Variants in ACSM3 observed in about 807,000 individuals in gnomAD.
The protein encoded by ACSM3 is acyl-coenzyme A synthetase ACSM3, mitochondrial.
In ACSM3, 61 loss-of-function variants were observed where a neutral mutation model predicts 74.1. The ratio of observed to expected loss-of-function variants is 0.82; its 90% CI spans 0.67 to 1.02. The LOEUF (loss-of-function observed/expected upper bound fraction) is 1.02, where lower values mean the gene tolerates loss of function less well. ACSM3 is among the 50% of genes least tolerant of loss of function. The probability of loss-of-function intolerance (pLI) is 0.00; values close to 1 mark genes in which losing one functional copy is unlikely to be tolerated. For missense variants in ACSM3, 660 were observed against 697.0 expected (o/e 0.95, Z 0.60); for synonymous variants, 213 against 241.5 (o/e 0.88, Z 1.09).
intron 1 of ACSM3, chr16:20,737,577 T>C: frequency 1.0e-6 from 1 of 971,592 alleles, no homozygotes; most frequent in Non-Finnish European, 1.5e-6. Context: ...TTTAATACTA[T>C]TTTAAGAACA....
intron 9 of ACSM3, among the ~76,000 whole-genome samples, chr16:20,786,938 G>C (rs1362783017): frequency 6.6e-6 from 1 of 152,130 alleles, no homozygotes; most frequent in Non-Finnish European, 1.5e-5. Flanking sequence ...TAGGCCCGAA[G>C]AGGCTTCAGT....
chr16:20,686,675 G>A (rs531483272), intron 1 of ACSM3, among the ~76,000 whole-genome samples: 4 of 151,972 alleles, frequency 2.6e-5, no homozygotes, highest in Admixed American at 6.6e-5. Context: ...AGAGCCAGGC[G>A]AGGTGGCACA....
upstream of ACSM3, among the ~76,000 whole-genome samples, chr16:20,759,389 C>A (rs1437334357): frequency 6.6e-6 from 1 of 151,998 alleles, no homozygotes; most frequent in African/African-American, 2.4e-5. Context: ...GAAACCCCGT[C>A]TCTACTAAAA....
intron 10 of ACSM3, chr16:20,791,047 CAG>C (rs754082907): frequency 7.9e-5 from 84 of 1,066,624 alleles, no homozygotes; most frequent in Middle Eastern, 6.2e-4. Context: ...GTGAGAGGGA[CAG>C]GGGATGCGGG....
intron 1 of ACSM3, among the ~76,000 whole-genome samples, chr16:20,746,350 T>C (rs2079958165): frequency 6.6e-6 from 1 of 152,230 alleles, no homozygotes; most frequent in Non-Finnish European, 1.5e-5. Context: ...ATTTGTCTAT[T>C]ATTCTCTAAT....
At chr16:20,766,826 G>A (rs1237538821) in intron 1 of ACSM3, among the ~76,000 whole-genome samples, 1 of 152,140 alleles carries the variant, frequency 6.6e-6, no homozygotes, top group Admixed American at 6.5e-5. Flanking sequence ...CCCTTAAAAG[G>A]TACATTGTTA....
At position 20,723,713 on chromosome 16, in the gene ACSM3, C is replaced by T. The variant is rs191076933; in HGVS notation, c.-189-26197C>T. On this transcript the variant is annotated intron_variant, in intron 1 of 3. Transcript: ENST00000561584. ...AGAAGTGTCTGTTCATATCCTTCAC[C>T]TGCTTTTTGATGGGGTTGTTTTTTT... is the stretch of plus-strand genomic sequence containing the variant. Among the ~76,000 whole-genome samples, 36 of 152,280 alleles carry T rather than the reference C, an allele frequency of 2.4e-4. No individual in the cohort carries two copies. In the East Asian group the frequency reaches 6.0e-3, roughly 25 times the overall value.
chr16:20,737,789 T>C, intron 1 of ACSM3: 1 of 1,613,974 alleles, frequency 6.2e-7, no homozygotes, highest in Non-Finnish European at 8.5e-7. Flanking sequence ...GTCCCTTTGT[T>C]TGGAGCTTTA....
chr16:20,699,613 TAA>T (rs1056750332), intron 1 of ACSM3, among the ~76,000 whole-genome samples: 2 of 152,044 alleles, frequency 1.3e-5, no homozygotes, highest in Admixed American at 6.5e-5. Context: ...CCTCTGTTAC[TAA>T]AGAGAAGGAG....
chr16:20,711,644 G>C (rs1861800357), intron 1 of ACSM3: 1 of 829,566 alleles, frequency 1.2e-6, no homozygotes, highest in Non-Finnish European at 1.9e-6. Flanking sequence ...TCTCCACAAA[G>C]CCGGAACAGG....
At chr16:20,731,980 C>T (rs528647008) in intron 1 of ACSM3, among the ~76,000 whole-genome samples, 2 of 152,160 alleles carry the variant, frequency 1.3e-5, no homozygotes, top group Non-Finnish European at 2.9e-5. Flanking sequence ...AATAATTTGT[C>T]CCATTCTGTA....
At chr16:20,793,269 G>A (rs1051911693) in intron 12 of ACSM3, among the ~76,000 whole-genome samples, 3 of 152,096 alleles carry the variant, frequency 2.0e-5, no homozygotes, top group Non-Finnish European at 4.4e-5. Flanking sequence ...AGGAGTTTGA[G>A]ACAAGCCTGG....
intron 1 of ACSM3, among the ~76,000 whole-genome samples, chr16:20,701,420 CG>C (rs1248553469): frequency 6.6e-6 from 1 of 152,080 alleles, no homozygotes; most frequent in African/African-American, 2.4e-5. Flanking sequence ...AAATAATGTT[CG>C]GAAGACACTT....
chr16:20,791,523 G>T (rs1035376211), intron 10 of ACSM3, among the ~76,000 whole-genome samples: 1 of 152,150 alleles, frequency 6.6e-6, no homozygotes, highest in South Asian at 2.1e-4. Context: ...CCTTTCTTCT[G>T]TCGGGCTAGC....
intron 1 of ACSM3, chr16:20,682,472 G>A: frequency 6.2e-7 from 1 of 1,611,010 alleles, no homozygotes; most frequent in Non-Finnish European, 8.5e-7. Flanking sequence ...CCCTGGGGAT[G>A]AGAAAGGAAC....
intron 1 of ACSM3, among the ~76,000 whole-genome samples, chr16:20,749,055 C>T (rs773047942): frequency 2.6e-5 from 4 of 151,584 alleles, no homozygotes; most frequent in African/African-American, 7.3e-5. Context: ...AGCGAAACTC[C>T]GTCTCCACAA....
chr16:20,766,673 G>A (rs1293704326), intron 1 of ACSM3: 2 of 152,084 alleles, frequency 1.3e-5, no homozygotes, highest in Non-Finnish European at 2.9e-5. Flanking sequence ...TGCAGTGAGG[G>A]GTGGTCGTGC....
intron 1 of ACSM3, among the ~76,000 whole-genome samples, chr16:20,724,549 G>A (rs965223515): frequency 1.3e-5 from 2 of 152,164 alleles, no homozygotes; most frequent in Non-Finnish European, 2.9e-5. Context: ...GCAGGAGAAG[G>A]AAATAAAGGG....
Position 20,745,020 on chromosome 16 carries a change from C to G in ACSM3, c.-189-4890C>G, listed in dbSNP as rs564743096. Among the ~76,000 whole-genome samples, 4 of 152,336 alleles carry G rather than the reference C, an allele frequency of 2.6e-5. 1 individual carries two copies. In the South Asian group the frequency reaches 8.3e-4, roughly 32 times the overall value. On this transcript the variant is annotated intron_variant, in intron 1 of 3. Coordinates refer to the ACSM3 transcript ENST00000561584. ...AGCTCTCAGTCTAGACGTTAGTTAT[C>G]TAAATCACACACTCATCCTGTGGCA...
Sources: gnomAD v4.1 joint callset for allele counts (sites outside exome capture counted in the v4.1 genomes callset) on GRCh38, gnomAD v4.1.1 for gene constraint, MANE v1.5 for transcripts, NCBI Gene and HGNC (gene_info 2026-07-23, HGNC 2026-07-21) for gene names.